The following PSMA3 variants were observed in gnomAD, a reference collection of about 807,000 sequenced individuals.
The protein encoded by PSMA3 is proteasome 20S subunit alpha 3.
A neutral mutation model predicts 40.0 loss-of-function variants in PSMA3; 8 were observed. The ratio of observed to expected loss-of-function variants is 0.20; its 90% confidence interval spans 0.12 to 0.36. The LOEUF is 0.36. PSMA3 is among the 10% of genes least tolerant of loss of function. The probability of loss-of-function intolerance (pLI) is 1.00; values close to 1 mark genes in which losing one functional copy is unlikely to be tolerated. For missense variants in PSMA3, 219 were observed against 310.6 expected (o/e 0.70, Z 2.22); for synonymous variants, 110 against 100.0 (o/e 1.10, Z -0.59).
chr14:58,245,064 C>A, intron 1 of PSMA3, 123 bp downstream of exon 1: 1 of 1,277,474 alleles, frequency 7.8e-7, no homozygotes, highest in Non-Finnish European at 1.1e-6. Flanking sequence ...CTGGGTGGGC[C>A]ATTTGCAGCT....
chr14:58,267,715 T>C lies in PSMA3; in HGVS notation c.590+195T>C, dbSNP rs1890489445. On this transcript the variant is annotated intron_variant, in intron 8 of 10. Coordinates refer to ENST00000216455, the MANE Select transcript of PSMA3 (RefSeq NM_002788.4). ...AGCAATATTTTTTAGTAGTAATGAA[T>C]AGGATGGGAAAAATAGCTTGACAAA... 4.8e-6 allele frequency: 5 copies of C among 1,036,688 alleles called. No individual in the cohort carries two copies. The South Asian group carries it at 9.9e-5, about 21-fold the overall frequency. The allele number at this position is 1,036,688 out of a possible 1,614,324, so 64.2% of individuals were successfully genotyped here. A position where few individuals can be genotyped will look rare whatever the true frequency, so the allele number is the denominator to read the frequency against.
intron 5 of PSMA3, among the ~76,000 whole-genome samples, chr14:58,259,718 C>T (rs567378299): frequency 1.9e-4 from 29 of 152,210 alleles, no homozygotes; most frequent in Admixed American, 4.6e-4. Context: ...GATAAAGGGA[C>T]AACAATTAGG....
chr14:58,254,340 A>ATATATATATATATATATGTATGTATG lies in PSMA3; in HGVS notation c.228+2101_228+2102insATATATATATATATGTATGTATGTAT. Among the ~76,000 whole-genome samples, 14 of 34,784 alleles carry ATATATATATATATATATGTATGTATG rather than the reference A, an allele frequency of 4.0e-4. 1 individual carries two copies. The highest frequency in any genetic ancestry group is 8.7e-4 in the African/African-American group (9 of 10,368). 22.8% of individuals were successfully genotyped at this position (34,784 alleles called of 152,430 possible). On this transcript the variant is annotated intron_variant, in intron 3 of 10. Transcript: ENST00000216455. ...TGAAAAAAATTATGCATGCATATAT[A>ATATATATATATATATATGTATGTATG]TATGTATGTACACACACACAGAGGT...
At chr14:58,266,131 T>C (rs892924542) in intron 7 of PSMA3, 9 of 152,234 alleles carry the variant, frequency 5.9e-5, no homozygotes, top group Admixed American at 2.6e-4. Flanking sequence ...TTTGAGTCCA[T>C]GCCAGTTGCC....
At chr14:58,270,815 T>C in intron 9 of PSMA3, 119 bp from the exon 10 acceptor site, 1 of 901,776 alleles carries the variant, frequency 1.1e-6, no homozygotes, top group South Asian at 1.9e-5. Flanking sequence ...TTACTCATAG[T>C]ACAACTTTGC....
chr14:58,267,487 C>G lies in PSMA3; in HGVS notation c.557C>G (p.Thr186Ser). 6.4e-7 allele frequency: 1 copy of G among 1,567,096 alleles called. No homozygotes were observed. Among genetic ancestry groups the G allele is most frequent in the Non-Finnish European group, 8.6e-7 (1 of 1,162,554 alleles). The change falls in exon 8 of 11, where the codon ACC becomes AGC. Residue 186 changes from threonine to serine, a missense_variant. By Grantham distance (58) the Thr-to-Ser change is moderately conservative. Coordinates refer to ENST00000216455, the MANE Select transcript of PSMA3 (RefSeq NM_002788.4). ...EIEKLQMKEMTCRDIVKEVAK... is the reference protein window; with the variant it reads ...EIEKLQMKEMSCRDIVKEVAK... Reference sequence around the variant, plus strand: ...TATTTTCTATAGATGAAAGAAATGACCTGCCGTGATATCGTTAAAGAAGTT... The same window carrying G: ...TATTTTCTATAGATGAAAGAAATGAGCTGCCGTGATATCGTTAAAGAAGTT...
intron 3 of PSMA3, among the ~76,000 whole-genome samples, chr14:58,253,372 A>C (rs2140082818): frequency 6.6e-6 from 1 of 152,312 alleles, no homozygotes; most frequent in African/African-American, 2.4e-5. Context: ...CATGTTACTC[A>C]AGAGCCCTTT....
chr14:58,245,799 T>A (rs1298450473), intron 1 of PSMA3, among the ~76,000 whole-genome samples: 1 of 152,230 alleles, frequency 6.6e-6, no homozygotes, highest in Non-Finnish European at 1.5e-5. Flanking sequence ...AATTTCTACT[T>A]CTTAACAAGA....
intron 10 of PSMA3, among the ~76,000 whole-genome samples, chr14:58,271,327 C>CTT (rs60528514): frequency 0.045 from 4,624 of 102,376 alleles, 367 homozygotes; most frequent in Middle Eastern, 0.1. Context: ...AATATTTGTT[C>CTT]TTTTTTTTTT....
chr14:58,252,336 CAG>C, intron 3 of PSMA3, 94 bp downstream of exon 3: 1 of 1,441,550 alleles, frequency 6.9e-7, no homozygotes, highest in Non-Finnish European at 9.3e-7. Flanking sequence ...CAAAAGTAAT[CAG>C]AGCAAGTTAC....
Position 58,263,685 on chromosome 14 carries a change from A to C in PSMA3, c.478-20A>C, listed in dbSNP as rs777851401. 1 of 1,587,700 alleles carries C rather than the reference A, an allele frequency of 6.3e-7. No homozygotes were observed. The highest frequency in any genetic ancestry group is 8.6e-7 in the Non-Finnish European group (1 of 1,156,834). ...GATAGTGTACTAATTCAGTGATTAT[A>C]TATATTTTTTTCTAAATAGGGTTAT... On this transcript the variant is annotated intron_variant, in intron 6 of 10. Coordinates refer to ENST00000216455, the MANE Select transcript of PSMA3 (RefSeq NM_002788.4).
At chr14:58,251,056 C>G (rs908965994) in intron 2 of PSMA3, among the ~76,000 whole-genome samples, 47 of 151,664 alleles carry the variant, frequency 3.1e-4, no homozygotes, top group African/African-American at 1.1e-3. Flanking sequence ...CCTCAGACTT[C>G]AATTCAATCT....
rs1310398400 is a variant in PSMA3 at position 58,261,672 on chromosome 14, T to C, written c.477+652T>C. 2.0e-5 allele frequency among the ~76,000 whole-genome samples: 3 copies of C among 152,200 alleles called. No homozygotes were observed. The East Asian group carries it at 5.8e-4, about 29-fold the overall frequency. ...CCCAGGCTGGAGTGCAGTGACACAATCATAGCTCACTTCAGCCTCTCAACT... is the reference window on the plus strand; with the variant it reads ...CCCAGGCTGGAGTGCAGTGACACAACCATAGCTCACTTCAGCCTCTCAACT... On this transcript the variant is annotated intron_variant, in intron 6 of 10. Coordinates refer to ENST00000216455, the MANE Select transcript of PSMA3 (RefSeq NM_002788.4).
chr14:58,245,515 T>C (rs1196206758), intron 1 of PSMA3: 2 of 152,680 alleles, frequency 1.3e-5, no homozygotes, highest in Non-Finnish European at 2.9e-5. Flanking sequence ...TTCTCGTTTT[T>C]CCTATACAAA....
chr14:58,268,961 G>GTC (rs1890528985), intron 8 of PSMA3: 1 of 151,586 alleles, frequency 6.6e-6, no homozygotes, highest in African/African-American at 2.4e-5. Flanking sequence ...TTGAGATGGA[G>GTC]TCTCACTCTG....
chr14:58,270,802 G>A, intron 9 of PSMA3, 132 bp from the exon 10 acceptor site: 1 of 825,892 alleles, frequency 1.2e-6, no homozygotes. Flanking sequence ...AAATATTCGA[G>A]TATTACTCAT....
chr14:58,263,235 T>C (rs1890334208), intron 6 of PSMA3, among the ~76,000 whole-genome samples: 2 of 152,248 alleles, frequency 1.3e-5, no homozygotes, highest in South Asian at 4.1e-4. Flanking sequence ...TCTGCCCACC[T>C]TGGCCTTCCA....
At chr14:58,256,241 G>A (rs1890141806) in intron 3 of PSMA3, among the ~76,000 whole-genome samples, 1 of 152,148 alleles carries the variant, frequency 6.6e-6, no homozygotes, top group Non-Finnish European at 1.5e-5. Context: ...AAAAAGATTT[G>A]CGATTGTGCC....
chr14:58,254,825 G>A lies in PSMA3; in HGVS notation c.228+2583G>A, dbSNP rs548570639. Among the ~76,000 whole-genome samples the A allele has an allele frequency of 1.1e-4, 16 of 152,206 alleles. No homozygotes were observed. In the South Asian group the frequency reaches 3.1e-3, roughly 30 times the overall value. ...CTTGGGGAAGCTATTCTAAACACGC[G>A]TTTCCTTGTCTGCAAAACAAGAGTG... On this transcript the variant is annotated intron_variant, in intron 3 of 10. Transcript: ENST00000216455.
Sources: gnomAD v4.1 joint callset for allele counts (sites outside exome capture counted in the v4.1 genomes callset) on GRCh38, gnomAD v4.1.1 for gene constraint, MANE v1.5 for transcripts, NCBI Gene and HGNC (gene_info 2026-07-23, HGNC 2026-07-21) for gene names.